CASP4: variants seen among roughly 807,000 people sequenced by gnomAD.
The protein encoded by CASP4 is caspase 4, also known as caspase-4.
CASP4 carries 29 observed loss-of-function variants against 41.3 expected under a neutral mutation model. The ratio of observed to expected loss-of-function variants is 0.70; its 90% CI spans 0.52 to 0.96. CASP4 has a LOEUF of 0.96. CASP4 is among the 40% of genes least tolerant of loss of function. The probability of loss-of-function intolerance (pLI) is 0.00; values close to 1 mark genes in which losing one functional copy is unlikely to be tolerated. For missense variants in CASP4, 447 were observed against 460.6 expected, an observed-to-expected ratio of 0.97 and a Z score of 0.27; for synonymous variants, 185 against 158.4, an observed-to-expected ratio of 1.17 and a Z score of -1.26.
rs770194807 is a variant in CASP4 at position 104,952,025 on chromosome 11, A to G, written c.263-20T>C. On this transcript the variant is annotated intron_variant, in intron 2 of 8. Transcript: ENST00000444739. ...GATGAGCTGCAGGATATTGCAGAAC[A>G]TAAATTGTGATTTCTGCCTCTGTGA... The G allele has an allele frequency of 2.0e-6, 3 of 1,472,404 alleles. No homozygotes were observed. The highest frequency in any genetic ancestry group is 2.8e-6 in the Non-Finnish European group (3 of 1,053,910). 91.2% of individuals were successfully genotyped at this position (1,472,404 alleles called of 1,614,324 possible). A position where few individuals can be genotyped will look rare whatever the true frequency, so the allele number is the denominator to read the frequency against.
Position 104,944,789 on chromosome 11 carries a change from G to A in CASP4, c.1098C>T (p.Ser366=). ...GAAAGAGGTAGAAATATCTTGTCAT[G>A]GACAGTCGTTCTATGGTGGGCATTT... is the stretch of plus-strand genomic sequence containing the variant. ...KAQMPTIERL[S]MTRYFYLFPG... is the part of the protein sequence containing the mutation. Residue 366 remains serine (S), a synonymous_variant, in exon 8 of 9, where the codon TCC becomes TCT. Coordinates refer to ENST00000444739, the MANE Select transcript of CASP4 (RefSeq NM_001225.4). The A allele has an allele frequency of 6.2e-7, 1 of 1,613,196 alleles. No individual in the cohort carries two copies. Among genetic ancestry groups the A allele is most frequent in the Admixed American group, 1.7e-5 (1 of 59,972 alleles).
At position 104,954,776 on chromosome 11, in the gene CASP4, T is replaced by G. The variant is rs368133405; in HGVS notation, c.233A>C (p.Asn78Thr). 4.3e-6 allele frequency: 7 copies of G among 1,613,416 alleles called. No individual in the cohort carries two copies. In the African/African-American group the frequency reaches 6.7e-5, roughly 15 times the overall value. Residue 78 changes from asparagine to threonine, a missense_variant, in exon 2 of 9, where the codon AAC (asparagine) becomes ACC (threonine). Physicochemically the swap from Asn to Thr is moderately conservative, Grantham distance 65 (BLOSUM62 0). Coordinates refer to ENST00000444739, the MANE Select transcript of CASP4 (RefSeq NM_001225.4). ...AGQMLLQTFF[N>T]IDQISPNKKA... Reference sequence around the variant, plus strand: ...TTTATTGGGGGATATTTGGTCTATGTTAAAAAAGGTTTGAAGAAGCATTTG... The same window carrying G: ...TTTATTGGGGGATATTTGGTCTATGGTAAAAAAGGTTTGAAGAAGCATTTG...
intron 1 of CASP4, among the ~76,000 whole-genome samples, chr11:104,962,880 T>C (rs1253292357): frequency 6.6e-6 from 1 of 152,220 alleles, no homozygotes; most frequent in African/African-American, 2.4e-5. Context: ...TTGCATAACT[T>C]TGCCATTTAA....
intron 1 of CASP4, among the ~76,000 whole-genome samples, chr11:104,958,642 A>G (rs899944539): frequency 6.6e-6 from 1 of 152,026 alleles, no homozygotes; most frequent in Admixed American, 6.6e-5. Context: ...TGTAGAAAAA[A>G]AGAAACTCTT....
At chr11:104,961,022 A>G (rs1050918536) in intron 1 of CASP4, among the ~76,000 whole-genome samples, 8 of 152,242 alleles carry the variant, frequency 5.3e-5, no homozygotes, top group Middle Eastern at 3.2e-3. Context: ...CCTTTGCAAA[A>G]TTATAACTGA....
At chr11:104,944,518 C>A (rs72978947) in intron 8 of CASP4, 36,192 of 453,290 alleles carry the variant, frequency 0.08, 1,659 homozygotes, top group Middle Eastern at 0.13. Flanking sequence ...CATTCTGCTG[C>A]GGTTTTCCTT....
At chr11:104,945,150 A>T (rs111308593) in intron 7 of CASP4, among the ~76,000 whole-genome samples, 5 of 152,268 alleles carry the variant, frequency 3.3e-5, no homozygotes, top group African/African-American at 1.2e-4. Context: ...ATCCCTTGAA[A>T]ACTATTCATG....
intron 8 of CASP4, 190 bp from the exon 9 acceptor site, chr11:104,943,163 CT>C: frequency 3.0e-6 from 1 of 334,018 alleles, no homozygotes; most frequent in Non-Finnish European, 5.9e-6. Flanking sequence ...CATATTACTT[CT>C]TTTTTCTAAA....
At chr11:104,948,990 G>A in intron 5 of CASP4, 1 of 207,604 alleles carries the variant, frequency 4.8e-6, no homozygotes. Flanking sequence ...CTGGCCTCAA[G>A]CCATCCTCCT....
At chr11:104,957,217 A>T (rs1298593349) in intron 1 of CASP4, among the ~76,000 whole-genome samples, 1 of 152,016 alleles carries the variant, frequency 6.6e-6, no homozygotes, top group Non-Finnish European at 1.5e-5. Flanking sequence ...ATTGCAGGAT[A>T]AAAAAAATCA....
At chr11:104,944,882 A>G (rs2134630688) in intron 7 of CASP4, 31 bp from the exon 8 acceptor site, 1 of 1,377,916 alleles carries the variant, frequency 7.3e-7, no homozygotes. Context: ...TAGATGAGAT[A>G]CGACTCTTTT....
intron 1 of CASP4, among the ~76,000 whole-genome samples, chr11:104,957,528 T>G (rs1860763453): frequency 6.8e-6 from 1 of 147,910 alleles, no homozygotes; most frequent in Non-Finnish European, 1.5e-5. Context: ...GCTATAATTG[T>G]GACACTATAC....
At chr11:104,953,757 G>A (rs994155948) in intron 2 of CASP4, among the ~76,000 whole-genome samples, 1 of 151,992 alleles carries the variant, frequency 6.6e-6, no homozygotes, top group Non-Finnish European at 1.5e-5. Flanking sequence ...CTTAAATTCT[G>A]GGGGGTATTG....
intron 1 of CASP4, among the ~76,000 whole-genome samples, chr11:104,960,541 C>T (rs1268757514): frequency 1.3e-5 from 2 of 152,118 alleles, no homozygotes; most frequent in African/African-American, 2.4e-5. Context: ...GCTATCTTGG[C>T]TCACTGCAAT....
At chr11:104,960,792 A>G (rs560938228) in intron 1 of CASP4, among the ~76,000 whole-genome samples, 90 of 151,684 alleles carry the variant, frequency 5.9e-4, no homozygotes, top group African/African-American at 2.0e-3. Context: ...TTATTTTTCC[A>G]TTTAATTGTG....
chr11:104,951,588 C>T (rs1335556570), intron 3 of CASP4: 1 of 400,994 alleles, frequency 2.5e-6, no homozygotes, highest in African/African-American at 2.0e-5. Flanking sequence ...GCTATATTAT[C>T]CTCCAAATAT....
intron 1 of CASP4, among the ~76,000 whole-genome samples, chr11:104,958,489 A>G (rs1263617265): frequency 1.3e-5 from 2 of 152,222 alleles, no homozygotes; most frequent in Non-Finnish European, 2.9e-5. Context: ...ACTTTTCAAA[A>G]GAAGACATAC....
intron 6 of CASP4, 175 bp downstream of exon 6, chr11:104,948,358 G>T: frequency 2.1e-6 from 1 of 480,888 alleles, no homozygotes; most frequent in Non-Finnish European, 3.4e-6. Flanking sequence ...GGGTTTCCAT[G>T]TATCGGGTTG....
At chr11:104,964,393 T>C (rs1016175067) in intron 1 of CASP4, among the ~76,000 whole-genome samples, 1 of 152,214 alleles carries the variant, frequency 6.6e-6, no homozygotes, top group African/African-American at 2.4e-5. Context: ...TTTTAACAAG[T>C]AGGTAAAATA....
Sources: gnomAD v4.1 joint callset for allele counts (sites outside exome capture counted in the v4.1 genomes callset) on GRCh38, gnomAD v4.1.1 for gene constraint, MANE v1.5 for transcripts, NCBI Gene and HGNC (gene_info 2026-07-23, HGNC 2026-07-21) for gene names.